The following ARFGEF3 variants were observed in gnomAD, a reference collection of about 807,000 sequenced individuals.
ARFGEF3 encodes brefeldin A-inhibited guanine nucleotide-exchange protein 3.
A neutral mutation model predicts 221.7 loss-of-function variants in ARFGEF3; 96 were observed. The observed-to-expected ratio is 0.43, with a 90% CI of 0.37 to 0.51. The LOEUF is 0.51. ARFGEF3 is among the 20% of genes least tolerant of loss of function. ARFGEF3 has a pLI of 0.00. For missense variants in ARFGEF3, 2,410 were observed against 2,789.9 expected (o/e 0.86, Z 3.07); for synonymous variants, 1,145 against 1,126.8 (o/e 1.02, Z -0.32).
Position 138,210,051 on chromosome 6 carries a change from A to T in ARFGEF3, c.351+10A>T. ...GGTGGAAGTGATGAAGGTTGGTTTG[A>T]CGTGGCCAAGAGTGTGCGTCACTGG... On this transcript the variant is annotated intron_variant, in intron 4 of 33. Transcript: ENST00000251691. 6.2e-7 allele frequency: 1 copy of T among 1,613,036 alleles called. No individual in the cohort carries two copies. Among genetic ancestry groups the T allele is most frequent in the Non-Finnish European group, 8.5e-7 (1 of 1,179,490 alleles).
At chr6:138,247,901 C>T (rs1272851525) in intron 8 of ARFGEF3, among the ~76,000 whole-genome samples, 1 of 152,204 alleles carries the variant, frequency 6.6e-6, no homozygotes, top group Non-Finnish European at 1.5e-5. Flanking sequence ...ATTTTAGTAA[C>T]TTCTTATATG....
chr6:138,215,844 GTGTGT>G (rs1562356284), intron 4 of ARFGEF3: 4 of 10,874 alleles, frequency 3.7e-4, no homozygotes, highest in Non-Finnish European at 1.0e-3. Flanking sequence ...TCGGTCTGGT[GTGTGT>G]GTGTGTGTGT....
At chr6:138,316,297 A>T (rs906397358) in intron 26 of ARFGEF3, among the ~76,000 whole-genome samples, 11 of 152,216 alleles carry the variant, frequency 7.2e-5, no homozygotes, top group Admixed American at 6.5e-5. Flanking sequence ...AGTTTTAAAA[A>T]ATTAATCCTC....
chr6:138,199,930 G>C (rs1697459616), intron 2 of ARFGEF3, among the ~76,000 whole-genome samples: 1 of 152,172 alleles, frequency 6.6e-6, no homozygotes, highest in Admixed American at 6.5e-5. Flanking sequence ...GGAGTGGTGA[G>C]AGTGGGCATC....
rs915208643 is a variant in ARFGEF3 at position 138,190,087 on chromosome 6, AAAAAT to A, written c.138-16940_138-16936del. ...CAACAGGACAAGATTCTGTCTCAAA[AAAAAT>A]AAAATAAAATAAAAATAAAAAGAGT... is the stretch of plus-strand genomic sequence containing the variant. On this transcript the variant is annotated intron_variant, in intron 2 of 33. Coordinates refer to ENST00000251691, the MANE Select transcript of ARFGEF3 (RefSeq NM_020340.5). Among the ~76,000 whole-genome samples, 12 of 152,172 alleles carry A rather than the reference AAAAAT, an allele frequency of 7.9e-5. No individual in the cohort carries two copies. The South Asian group carries it at 1.5e-3, about 18-fold the overall frequency.
chr6:138,170,815 G>T, intron 2 of ARFGEF3, 102 bp downstream of exon 2: 1 of 718,342 alleles, frequency 1.4e-6, no homozygotes. Flanking sequence ...GTTTTGTGCT[G>T]CTATAACAGA....
At chr6:138,171,507 C>A (rs987703713) in intron 2 of ARFGEF3, among the ~76,000 whole-genome samples, 1 of 152,256 alleles carries the variant, frequency 6.6e-6, no homozygotes, top group African/African-American at 2.4e-5. Flanking sequence ...ATGTAGCAGC[C>A]CAGAGATAGG....
At chr6:138,287,539 G>C (rs1017285506) in intron 17 of ARFGEF3, among the ~76,000 whole-genome samples, 3 of 152,240 alleles carry the variant, frequency 2.0e-5, no homozygotes, top group Non-Finnish European at 4.4e-5. Flanking sequence ...AGTGGGGAAG[G>C]CAGATTGGCC....
rs889900446 is a variant in ARFGEF3 at position 138,334,909 on chromosome 6, C to T, written c.6063C>T (p.Thr2021=). 7 of 1,591,444 alleles carry T rather than the reference C, an allele frequency of 4.4e-6. No individual in the cohort carries two copies. The highest frequency in any genetic ancestry group is 5.1e-6 in the Non-Finnish European group (6 of 1,169,704). ...TCTACACCATGGCAGCCGACAAGAC[C>T]ATTTCAAAGTTGATGACCGAATACA... ...NKIYTMAADK[T]ISKLMTEYKK... The change falls in exon 33 of 34, where the codon ACC becomes ACT. Residue 2021 remains threonine, a synonymous_variant. Coordinates refer to ENST00000251691, the MANE Select transcript of ARFGEF3 (RefSeq NM_020340.5). This position sits in a 1 kb window ranked among gnomAD's most constrained non-coding sequence, Gnocchi z 5.1.
At chr6:138,220,169 T>G (rs1427020878) in intron 4 of ARFGEF3, among the ~76,000 whole-genome samples, 2 of 152,044 alleles carry the variant, frequency 1.3e-5, no homozygotes, top group African/African-American at 2.4e-5. Flanking sequence ...CTCAACCAAT[T>G]TTTGTATTTC....
intron 1 of ARFGEF3, among the ~76,000 whole-genome samples, chr6:138,165,673 C>G (rs558020650): frequency 6.6e-6 from 1 of 152,078 alleles, no homozygotes; most frequent in South Asian, 2.1e-4. Context: ...GGGGTCATCC[C>G]TTACTTAGAC....
At chr6:138,219,550 C>T (rs1032996093) in intron 4 of ARFGEF3, among the ~76,000 whole-genome samples, 20 of 152,216 alleles carry the variant, frequency 1.3e-4, no homozygotes, top group Admixed American at 1.3e-3. Flanking sequence ...AAGGGGCCAC[C>T]TGGGCTGAAT....
At chr6:138,191,981 C>T (rs916454965) in intron 2 of ARFGEF3, among the ~76,000 whole-genome samples, 2 of 152,130 alleles carry the variant, frequency 1.3e-5, no homozygotes, top group Admixed American at 1.3e-4. Context: ...TAATCACAAG[C>T]ATTTGTTGAG....
chr6:138,310,881 A>G (rs1779814322), intron 24 of ARFGEF3, among the ~76,000 whole-genome samples: 3 of 152,242 alleles, frequency 2.0e-5, no homozygotes, highest in East Asian at 1.9e-4. Context: ...GACTCTTCCC[A>G]GAGACCTCAT....
In ARFGEF3 at chr6:138,342,788, T is replaced by C. The variant is rs530824125; in HGVS notation, c.*6302T>C. 2.6e-4 allele frequency: 40 copies of C among 152,354 alleles called. No homozygotes were observed. Among genetic ancestry groups the C allele is most frequent in the African/African-American group, 9.6e-4 (40 of 41,582 alleles). The allele number at this position is 152,354 out of a possible 1,614,324, so 9.4% of individuals were successfully genotyped here. ...CATTGGCCACCAAAATATTAGCCAT[T>C]TGAGATGAGATGAGACTACTTGTTG... On this transcript the variant is annotated 3_prime_UTR_variant, in exon 34 of 34. Transcript: ENST00000251691.
Position 138,287,147 on chromosome 6 carries a change from G to A in ARFGEF3, c.2859G>A (p.Glu953=). The change falls in exon 17 of 34, where the codon GAG becomes GAA. Residue 953 remains glutamate, a synonymous_variant. Transcript: ENST00000251691. Reference sequence around the variant, plus strand: ...CCTGTGTCCAAGAAGAAAAAGAAGAGAGGGAGGCCCAAGAACCCAGTGATG... The same window carrying A: ...CCTGTGTCCAAGAAGAAAAAGAAGAAAGGGAGGCCCAAGAACCCAGTGATG... ...AASCVQEEKE[E]REAQEPSDAI... The A allele has an allele frequency of 6.4e-7, 1 of 1,572,368 alleles. No homozygotes were observed. Among genetic ancestry groups the A allele is most frequent in the South Asian group, 1.2e-5 (1 of 85,400 alleles).
chr6:138,218,327 TC>T (rs761283885), intron 4 of ARFGEF3: 1 of 1,560,882 alleles, frequency 6.4e-7, no homozygotes, highest in East Asian at 2.4e-5. Flanking sequence ...GCCTCAATTT[TC>T]TGATCTGTAA....
rs765905960 is a variant in ARFGEF3, at chr6:138,278,460, A to G, written c.2138A>G (p.His713Arg). 6.2e-6 allele frequency: 10 copies of G among 1,613,616 alleles called. No homozygotes were observed. Among genetic ancestry groups the G allele is most frequent in the Non-Finnish European group, 8.5e-6 (10 of 1,179,862 alleles). Reference sequence around the variant, plus strand: ...TCATTGTCTCCCTTAGGCATGATGCACTCTCCTGGCTTTGACGGGAATAGC... The same window carrying G: ...TCATTGTCTCCCTTAGGCATGATGCGCTCTCCTGGCTTTGACGGGAATAGC... ...FASTFCSGMMHSPGFDGNSSL... is the reference protein window; with the variant it reads ...FASTFCSGMMRSPGFDGNSSL... The change falls in exon 13 of 34, where the codon CAC becomes CGC. Residue 713 changes from histidine to arginine, a missense_variant. This residue lies in a region of ARFGEF3 where 594 missense variants were observed against 734.3 expected (regional missense o/e 0.81). Transcript: ENST00000251691.
chr6:138,175,352 G>T (rs1175713184), intron 2 of ARFGEF3, among the ~76,000 whole-genome samples: 1 of 152,186 alleles, frequency 6.6e-6, no homozygotes, highest in East Asian at 1.9e-4. Context: ...TCCATGAGGA[G>T]ACTGCACCCT....
Sources: allele counts gnomAD v4.1 joint callset (sites outside exome capture counted in the v4.1 genomes callset), GRCh38; gene constraint gnomAD v4.1.1; regional missense constraint gnomAD v4.1.1; non-coding constraint Gnocchi (gnomAD v3.1); transcripts MANE v1.5; gene names NCBI Gene and HGNC (gene_info 2026-07-23, HGNC 2026-07-21).